RUFY1: variants seen among roughly 807,000 people sequenced by gnomAD.
RUFY1 encodes RUN and FYVE domain-containing protein 1.
RUFY1 carries 54 observed loss-of-function variants against 94.6 expected under a neutral mutation model. The ratio of observed to expected loss-of-function variants is 0.57; its 90% CI spans 0.46 to 0.72. RUFY1 has a LOEUF of 0.72. Among genes scored for constraint, RUFY1 ranks in the 30% least tolerant of loss-of-function variants. The pLI, the probability that RUFY1 is intolerant of heterozygous loss-of-function variation, is 0.00. For synonymous variants in RUFY1, 396 were observed against 347.3 expected (o/e 1.14, Z -1.56); for missense variants, 883 against 883.9 (o/e 1.00, Z 0.01).
At chr5:179,566,908 G>C (rs1480569778) in intron 3 of RUFY1, among the ~76,000 whole-genome samples, 1 of 151,964 alleles carries the variant, frequency 6.6e-6, no homozygotes, top group Non-Finnish European at 1.5e-5. Context: ...ACAAAAATTA[G>C]CCAGGTGTGG....
intron 14 of RUFY1, among the ~76,000 whole-genome samples, chr5:179,599,105 A>G (rs888603199): frequency 1.3e-5 from 2 of 152,234 alleles, no homozygotes; most frequent in African/African-American, 4.8e-5. Flanking sequence ...GCGACCGGTG[A>G]GCAGAGGCTC....
intron 9 of RUFY1, 98 bp from the exon 10 acceptor site, chr5:179,591,527 C>A: frequency 2.5e-6 from 2 of 797,540 alleles, no homozygotes; most frequent in South Asian, 3.3e-5. Context: ...TAAAAATTAC[C>A]TTACATTTTT....
intron 5 of RUFY1, among the ~76,000 whole-genome samples, chr5:179,573,179 G>A (rs1229206965): frequency 6.6e-6 from 1 of 152,098 alleles, no homozygotes; most frequent in Non-Finnish European, 1.5e-5. Context: ...CTAGACTCTG[G>A]TAGTTAAGCG....
In RUFY1 at chr5:179,591,626, T is replaced by C. The variant is rs1294882735; in HGVS notation, c.1130T>C (p.Ile377Thr). The C allele has an allele frequency of 2.5e-6, 4 of 1,603,182 alleles. No homozygotes were observed. In the African/African-American group the frequency reaches 5.4e-5, roughly 21 times the overall value. The change falls in exon 10 of 18, where the codon ATA (isoleucine) becomes ACA (threonine). Residue 377 changes from isoleucine to threonine, a missense_variant and splice_region_variant. Physicochemically the swap from Ile to Thr is moderately conservative, Grantham distance 89 (BLOSUM62 -1). Coordinates refer to ENST00000319449, the MANE Select transcript of RUFY1 (RefSeq NM_025158.5). ...IRERSEKSVEITKQDTKVELE... is the reference protein window; with the variant it reads ...IRERSEKSVETTKQDTKVELE... Reference sequence around the variant, plus strand: ...TCTTGGTGTCCTTGTTTGATACAGATAACAAAACAGGATACCAAAGTTGAG... The same window carrying C: ...TCTTGGTGTCCTTGTTTGATACAGACAACAAAACAGGATACCAAAGTTGAG...
At chr5:179,571,434 G>GGCTGCAGTGAGCTCTAATCATGCC (rs750798151) in intron 5 of RUFY1, among the ~76,000 whole-genome samples, 91 of 151,820 alleles carry the variant, frequency 6.0e-4, no homozygotes, top group Non-Finnish European at 1.1e-3. Flanking sequence ...GGGAGATCAA[G>GGCTGCAGTGAGCTCTAATCATGCC]GCTGCAGTGA....
In RUFY1 at chr5:179,550,773, C is replaced by T. The variant is rs1240273439; in HGVS notation, c.204C>T (p.Thr68=). Residue 68 remains threonine (T), a synonymous_variant, in exon 1 of 18, where the codon ACC becomes ACT. Coordinates refer to ENST00000319449, the MANE Select transcript of RUFY1 (RefSeq NM_025158.5). ...AAEGWSAPIL[T]LARRATGNLS... ...AGGGCTGGTCGGCGCCCATCCTGAC[C>T]CTGGCACGCAGGGCCACCGGGAACC... is the stretch of plus-strand genomic sequence containing the variant. 1.4e-6 allele frequency: 2 copies of T among 1,394,014 alleles called. No individual in the cohort carries two copies. The highest frequency in any genetic ancestry group is 1.5e-5 in the African/African-American group (1 of 66,834). 86.4% of individuals were successfully genotyped at this position (1,394,014 alleles called of 1,614,324 possible).
chr5:179,602,140 C>A, intron 15 of RUFY1, 154 bp downstream of exon 15: 1 of 637,956 alleles, frequency 1.6e-6, no homozygotes. Flanking sequence ...GGAAGCCCGG[C>A]CTCAGAGGGG....
chr5:179,552,549 A>G (rs1458665103), intron 1 of RUFY1, among the ~76,000 whole-genome samples: 2 of 152,176 alleles, frequency 1.3e-5, no homozygotes, highest in African/African-American at 4.8e-5. Flanking sequence ...CCGGGAATCT[A>G]CTGCCCTCTA....
At chr5:179,586,695 T>G (rs1764630793) in intron 8 of RUFY1, among the ~76,000 whole-genome samples, 1 of 152,074 alleles carries the variant, frequency 6.6e-6, no homozygotes, top group African/African-American at 2.4e-5. Context: ...GGAGCTCAGA[T>G]TTGTGTGAGT....
chr5:179,597,950 G>C (rs1401758909), intron 13 of RUFY1, among the ~76,000 whole-genome samples: 2 of 152,162 alleles, frequency 1.3e-5, no homozygotes, highest in Non-Finnish European at 2.9e-5. Flanking sequence ...AGCACTTTTG[G>C]GAGGCCGAGG....
intron 15 of RUFY1, among the ~76,000 whole-genome samples, chr5:179,605,000 AAAAG>A (rs1766904702): frequency 1.3e-5 from 2 of 148,408 alleles, no homozygotes; most frequent in Admixed American, 1.4e-4. Context: ...AAAAAAGAAA[AAAAG>A]AAAAAGGCTC....
At chr5:179,594,811 G>GC in intron 11 of RUFY1, 55 bp from the exon 12 acceptor site, 1 of 994,550 alleles carries the variant, frequency 1.0e-6, no homozygotes, top group Non-Finnish European at 1.6e-6. Context: ...GTAATCCAGA[G>GC]CAGGTGCAAG....
intron 2 of RUFY1, among the ~76,000 whole-genome samples, chr5:179,562,329 C>T (rs753672201): frequency 2.0e-5 from 3 of 152,072 alleles, no homozygotes; most frequent in Non-Finnish European, 4.4e-5. Flanking sequence ...ATTGCTTGAA[C>T]CCGGGAGGCA....
At chr5:179,579,654 C>CTTCTTTTTTTTTTTTT (rs1763937272) in intron 6 of RUFY1, among the ~76,000 whole-genome samples, 1 of 38,638 alleles carries the variant, frequency 2.6e-5, no homozygotes, top group Non-Finnish European at 5.4e-5. Flanking sequence ...CCCTTTTCTT[C>CTTCTTTTTTTTTTTTT]TTCTTTTTTT....
intron 10 of RUFY1, among the ~76,000 whole-genome samples, chr5:179,592,504 G>A (rs966229225): frequency 2.6e-5 from 4 of 151,714 alleles, no homozygotes; most frequent in Non-Finnish European, 5.9e-5. Context: ...CACCTGCCTC[G>A]GCATCCCAAA....
chr5:179,579,147 C>T (rs1763888256), intron 6 of RUFY1, among the ~76,000 whole-genome samples: 1 of 152,106 alleles, frequency 6.6e-6, no homozygotes, highest in Non-Finnish European at 1.5e-5. Context: ...TCCATGTCTT[C>T]CTGAGGACTC....
chr5:179,607,531 C>T (rs1767230641), intron 16 of RUFY1, 51 bp from the exon 17 acceptor site: 1 of 1,506,286 alleles, frequency 6.6e-7, no homozygotes, highest in East Asian at 2.3e-5. Flanking sequence ...GCTACCCACT[C>T]ATCAGGGGCT....
chr5:179,553,941 T>A (rs533893081), intron 1 of RUFY1, among the ~76,000 whole-genome samples: 1 of 152,176 alleles, frequency 6.6e-6, no homozygotes, highest in African/African-American at 2.4e-5. Flanking sequence ...TTTGAAGCCA[T>A]CAGGTAGGAC....
At chr5:179,586,012 G>A in intron 8 of RUFY1, 147 bp downstream of exon 8, 1 of 665,178 alleles carries the variant, frequency 1.5e-6, no homozygotes, top group Non-Finnish European at 2.7e-6. Flanking sequence ...ACAGGAGAAT[G>A]TCTGTGTTCT....
Sources: allele counts gnomAD v4.1 joint callset (sites outside exome capture counted in the v4.1 genomes callset), GRCh38; gene constraint gnomAD v4.1.1; transcripts MANE v1.5; gene names NCBI Gene and HGNC (gene_info 2026-07-23, HGNC 2026-07-21).